Variants in SPSB4 observed in about 807,000 individuals in gnomAD.
SPSB4 encodes the protein SPRY domain-containing SOCS box protein 4.
In SPSB4, 21 loss-of-function variants were observed where a neutral mutation model predicts 20.9. That is an observed-to-expected ratio of 1.01 (90% CI 0.71 to 1.45). SPSB4 has a LOEUF of 1.45. SPSB4 is among the 40% of genes most tolerant of loss of function. SPSB4 has a pLI of 0.00. For synonymous variants in SPSB4, 207 were observed against 183.8 expected (o/e 1.13, Z -1.02); for missense variants, 399 against 399.2 (o/e 1.00, Z 0.00).
chr3:141,057,844 A>T (rs1937684468), intron 1 of SPSB4, among the ~76,000 whole-genome samples: 1 of 152,238 alleles, frequency 6.6e-6, no homozygotes, highest in South Asian at 2.1e-4. Flanking sequence ...CAGTCTATAA[A>T]GGAATTCCAG....
chr3:141,094,809 A>C (rs1339523654), intron 2 of SPSB4, among the ~76,000 whole-genome samples: 24 of 97,738 alleles, frequency 2.5e-4, no homozygotes, highest in African/African-American at 8.3e-4. Context: ...AGCAGCCCTC[A>C]ATCACTGTCT....
intron 2 of SPSB4, among the ~76,000 whole-genome samples, chr3:141,082,544 C>T (rs1938253223): frequency 6.6e-6 from 1 of 152,210 alleles, no homozygotes; most frequent in African/African-American, 2.4e-5. Context: ...AACTGCTGTG[C>T]TTTCCAGCAA....
intron 2 of SPSB4, among the ~76,000 whole-genome samples, chr3:141,104,716 C>T (rs916538622): frequency 3.9e-5 from 6 of 152,304 alleles, no homozygotes; most frequent in Non-Finnish European, 5.9e-5. Flanking sequence ...GCTGCGCGGC[C>T]GGCCCATCAC....
At chr3:141,112,096 G>A (rs954695239) in intron 2 of SPSB4, among the ~76,000 whole-genome samples, 3 of 152,242 alleles carry the variant, frequency 2.0e-5, no homozygotes, top group African/African-American at 7.2e-5. Flanking sequence ...GTCAGAACCT[G>A]GGCTAGGACT....
intron 1 of SPSB4, among the ~76,000 whole-genome samples, chr3:141,057,517 T>C (rs1279897985): frequency 1.3e-5 from 2 of 152,222 alleles, no homozygotes; most frequent in Non-Finnish European, 1.5e-5. Flanking sequence ...GTGCATTCCA[T>C]AGACGTTCAC....
intron 2 of SPSB4, among the ~76,000 whole-genome samples, chr3:141,116,849 A>G (rs1179235533): frequency 2.6e-5 from 4 of 152,154 alleles, no homozygotes; most frequent in African/African-American, 9.7e-5. Context: ...ATATGTCAAC[A>G]CTCATGAGTT....
In SPSB4 at chr3:141,066,096, C is replaced by A. The variant is rs916384511; in HGVS notation, c.-9C>A. ...GTGGCCTGCAGCGGCCTCCTCCCCGCAGTGAAGCATGGGCCAGAAGCTCTC... is the reference window on the plus strand; with the variant it reads ...GTGGCCTGCAGCGGCCTCCTCCCCGAAGTGAAGCATGGGCCAGAAGCTCTC... On this transcript the variant is annotated 5_prime_UTR_variant, in exon 2 of 3. Transcript: ENST00000310546. 9.9e-6 allele frequency: 15 copies of A among 1,513,136 alleles called. No homozygotes were observed. In the East Asian group the frequency reaches 3.4e-4, roughly 34 times the overall value. The allele number at this position is 1,513,136 out of a possible 1,614,324, so 93.7% of individuals were successfully genotyped here.
chr3:141,110,071 C>T (rs1015159218), intron 2 of SPSB4, among the ~76,000 whole-genome samples: 1 of 152,202 alleles, frequency 6.6e-6, no homozygotes, highest in Non-Finnish European at 1.5e-5. Flanking sequence ...CTGACCTCCT[C>T]CTGACACTCT....
intron 2 of SPSB4, among the ~76,000 whole-genome samples, chr3:141,123,790 C>T (rs1939008443): frequency 6.6e-6 from 1 of 152,224 alleles, no homozygotes; most frequent in Non-Finnish European, 1.5e-5. Flanking sequence ...ATCCGTGGAG[C>T]AGGGTGCATG....
chr3:141,089,391 G>A (rs1426879210), intron 2 of SPSB4, among the ~76,000 whole-genome samples: 2 of 152,246 alleles, frequency 1.3e-5, no homozygotes, highest in East Asian at 3.8e-4. Context: ...AGGATACACA[G>A]GACACAGAGG....
chr3:141,092,155 G>A (rs142295281), intron 2 of SPSB4, among the ~76,000 whole-genome samples: 229 of 152,244 alleles, frequency 1.5e-3, no homozygotes, highest in African/African-American at 4.6e-3. Context: ...CCTTTATCCC[G>A]AGCTGGGAGA....
intron 2 of SPSB4, among the ~76,000 whole-genome samples, chr3:141,141,353 G>A (rs2086178): frequency 0.098 from 14,917 of 152,142 alleles, 710 homozygotes; most frequent in South Asian, 0.16. Context: ...CCCACTGTCC[G>A]GCACTCCCCT....
At chr3:141,079,595 G>A (rs759884826) in intron 2 of SPSB4, among the ~76,000 whole-genome samples, 23 of 152,324 alleles carry the variant, frequency 1.5e-4, no homozygotes, top group Non-Finnish European at 2.9e-4. Context: ...TTTATGAAGG[G>A]CCTGTGGTGT....
intron 1 of SPSB4, among the ~76,000 whole-genome samples, chr3:141,064,902 T>G (rs775816699): frequency 6.6e-6 from 1 of 152,196 alleles, no homozygotes; most frequent in African/African-American, 2.4e-5. Flanking sequence ...GAAGGCAGTC[T>G]GGGGTCAGTG....
chr3:141,059,350 T>A, intron 1 of SPSB4, among the ~76,000 whole-genome samples: 1 of 152,062 alleles, frequency 6.6e-6, no homozygotes, highest in Non-Finnish European at 1.5e-5. Flanking sequence ...TGAAAAGAAG[T>A]TTAGTTGGCT....
intron 2 of SPSB4, among the ~76,000 whole-genome samples, chr3:141,138,050 G>A (rs1353337332): frequency 1.3e-5 from 2 of 152,080 alleles, no homozygotes; most frequent in African/African-American, 4.8e-5. Flanking sequence ...ACTTCTTCCT[G>A]GTTTAGTCTT....
At chr3:141,143,044 C>T (rs1576545636) in intron 2 of SPSB4, among the ~76,000 whole-genome samples, 1 of 152,096 alleles carries the variant, frequency 6.6e-6, no homozygotes, top group Non-Finnish European at 1.5e-5. Context: ...TCTCCATCTC[C>T]TGACTTTGTG....
chr3:141,104,049 G>T (rs1162757520), intron 2 of SPSB4, among the ~76,000 whole-genome samples: 4 of 152,196 alleles, frequency 2.6e-5, no homozygotes, highest in African/African-American at 7.2e-5. Context: ...TGAGGTGTCA[G>T]TGAAATGATC....
chr3:141,107,406 G>A (rs573608728), intron 2 of SPSB4, among the ~76,000 whole-genome samples: 7 of 152,204 alleles, frequency 4.6e-5, no homozygotes, highest in Admixed American at 1.3e-4. Context: ...AATAAGACGA[G>A]AAGAGTCTGT....
Sources: gnomAD v4.1 joint callset for allele counts (sites outside exome capture counted in the v4.1 genomes callset) on GRCh38, gnomAD v4.1.1 for gene constraint, MANE v1.5 for transcripts, NCBI Gene and HGNC (gene_info 2026-07-23, HGNC 2026-07-21) for gene names.